Variants in CRIM1 observed in about 807,000 individuals in gnomAD.
The protein encoded by CRIM1 is cysteine-rich motor neuron 1 protein.
A neutral mutation model predicts 116.4 loss-of-function variants in CRIM1; 32 were observed. The observed-to-expected ratio is 0.27, with a 90% CI of 0.21 to 0.37. The LOEUF is 0.37. CRIM1 is among the 10% of genes least tolerant of loss of function. CRIM1 has a pLI of 1.00. For missense variants in CRIM1, 1,331 were observed against 1,354.8 expected, an observed-to-expected ratio of 0.98 and a Z score of 0.28; for synonymous variants, 590 against 509.2, an observed-to-expected ratio of 1.16 and a Z score of -2.13.
At chr2:36,360,387 A>G (rs565871729) in intron 1 of CRIM1, among the ~76,000 whole-genome samples, 112 of 152,324 alleles carry the variant, frequency 7.4e-4, no homozygotes, top group Non-Finnish European at 1.5e-3. Flanking sequence ...CTATTTACTC[A>G]GTAGCTTCAT....
rs1033452294 is a variant in CRIM1, at chr2:36,499,401, A to G, written c.1501+54A>G. Reference sequence around the variant, plus strand: ...TCTGAGGCCTAATATGATATTGTCAAAGCATATTATGTAATTGAATATCTT... The same window carrying G: ...TCTGAGGCCTAATATGATATTGTCAGAGCATATTATGTAATTGAATATCTT... On this transcript the variant is annotated intron_variant, in intron 8 of 16. Coordinates refer to ENST00000280527, the MANE Select transcript of CRIM1 (RefSeq NM_016441.3). 35 of 1,535,298 alleles carry G rather than the reference A, an allele frequency of 2.3e-5. No individual in the cohort carries two copies. The East Asian group carries it at 5.4e-4, about 24-fold the overall frequency.
At chr2:36,395,856 T>A (rs1474166750) in intron 1 of CRIM1, among the ~76,000 whole-genome samples, 1 of 152,204 alleles carries the variant, frequency 6.6e-6, no homozygotes, top group Non-Finnish European at 1.5e-5. Flanking sequence ...TTTTTGATGT[T>A]GATTATTAGC....
In CRIM1 at chr2:36,537,557, C is replaced by T. The variant is rs979218878; in HGVS notation, c.2623+11C>T. The T allele has an allele frequency of 1.3e-6, 2 of 1,585,968 alleles. No individual in the cohort carries two copies. Among genetic ancestry groups the T allele is most frequent in the Non-Finnish European group, 1.7e-6 (2 of 1,166,032 alleles). On this transcript the variant is annotated intron_variant, in intron 14 of 16. Coordinates refer to ENST00000280527, the MANE Select transcript of CRIM1 (RefSeq NM_016441.3). ...GCCCAATGTGTCCAGGTATCTAAGCCACCATCCTTCCATTTGTCAAGCTGT... is the reference window on the plus strand; with the variant it reads ...GCCCAATGTGTCCAGGTATCTAAGCTACCATCCTTCCATTTGTCAAGCTGT...
intron 1 of CRIM1, among the ~76,000 whole-genome samples, chr2:36,370,979 A>G (rs781645984): frequency 6.6e-6 from 1 of 152,182 alleles, no homozygotes; most frequent in African/African-American, 2.4e-5. Flanking sequence ...AGGTTTTCCA[A>G]CTTTATTTCC....
At chr2:36,488,771 A>G (rs902190292) in intron 7 of CRIM1, among the ~76,000 whole-genome samples, 2 of 152,220 alleles carry the variant, frequency 1.3e-5, no homozygotes, top group African/African-American at 4.8e-5. Context: ...ATTTAATGCT[A>G]GCTGCCAGTA....
At chr2:36,511,548 A>C (rs967610965) in intron 9 of CRIM1, among the ~76,000 whole-genome samples, 1 of 152,226 alleles carries the variant, frequency 6.6e-6, no homozygotes, top group African/African-American at 2.4e-5. Context: ...CTACAGTATC[A>C]TGACAGTTCA....
chr2:36,481,781 C>G (rs957386668), intron 7 of CRIM1, among the ~76,000 whole-genome samples: 2 of 152,142 alleles, frequency 1.3e-5, no homozygotes, highest in African/African-American at 4.8e-5. Flanking sequence ...TTGTCAGATT[C>G]GGCTCCATTT....
intron 4 of CRIM1, among the ~76,000 whole-genome samples, chr2:36,454,232 C>T (rs1676965839): frequency 6.6e-6 from 1 of 152,156 alleles, no homozygotes; most frequent in Non-Finnish European, 1.5e-5. Flanking sequence ...TTAGTTTAAA[C>T]TTAACACACT....
At chr2:36,436,980 G>T (rs1572726380) in intron 2 of CRIM1, among the ~76,000 whole-genome samples, 1 of 152,196 alleles carries the variant, frequency 6.6e-6, no homozygotes. Flanking sequence ...ATATTTGATT[G>T]AAATATTCAA....
At chr2:36,373,805 G>A (rs1195194103) in intron 1 of CRIM1, among the ~76,000 whole-genome samples, 2 of 152,180 alleles carry the variant, frequency 1.3e-5, no homozygotes, top group African/African-American at 2.4e-5. Context: ...ATACACCCAT[G>A]CAAAAATTGC....
At chr2:36,416,313 A>G (rs1442201140) in intron 2 of CRIM1, among the ~76,000 whole-genome samples, 1 of 152,146 alleles carries the variant, frequency 6.6e-6, no homozygotes, top group Admixed American at 6.6e-5. Flanking sequence ...CCATTGAGGA[A>G]CCTAAATTAT....
rs772961622 is a variant in CRIM1, at chr2:36,517,333, T to C, written c.1997T>C (p.Phe666Ser). 16 of 1,613,730 alleles carry C rather than the reference T, an allele frequency of 9.9e-6. No individual in the cohort carries two copies. The highest frequency in any genetic ancestry group is 4.0e-5 in the African/African-American group (3 of 74,936). Reference sequence around the variant, plus strand: ...ATTTTGTGTCATTTCCCAGATGACTTTGTGGTGCAGAAGCCAGAGCTCAGT... The same window carrying C: ...ATTTTGTGTCATTTCCCAGATGACTCTGTGGTGCAGAAGCCAGAGCTCAGT... ...GQCCPSCADD[F>S]VVQKPELSTP... is the part of the protein sequence containing the mutation. Residue 666 changes from phenylalanine to serine, a missense_variant, in exon 12 of 17, where the codon TTT becomes TCT. Around this residue, in one of 3 missense-constraint regions of CRIM1, gnomAD observed 358 missense variants for 436.1 expected, o/e 0.82. Transcript: ENST00000280527.
intron 1 of CRIM1, among the ~76,000 whole-genome samples, chr2:36,366,308 T>C (rs1342839429): frequency 6.6e-6 from 1 of 152,160 alleles, no homozygotes; most frequent in Non-Finnish European, 1.5e-5. Context: ...CTATCAAGAG[T>C]GCTGGTATTC....
At chr2:36,521,691 C>T (rs1350045137) in intron 12 of CRIM1, among the ~76,000 whole-genome samples, 2 of 152,170 alleles carry the variant, frequency 1.3e-5, no homozygotes, top group East Asian at 1.9e-4. Context: ...GAAATCCCTT[C>T]GTTAGCCATT....
At position 36,356,054 on chromosome 2, in the gene CRIM1, G is replaced by A. The variant is rs1668770977; in HGVS notation, c.-239G>A. On this transcript the variant is annotated 5_prime_UTR_variant, in exon 1 of 17. Transcript: ENST00000280527. The surrounding 1 kb of genome is among the most constrained non-coding windows in gnomAD (Gnocchi z 4.3). ...CCCCTCCCTCCCGGGAGGAGGAGGA[G>A]GAGGAGGAGGGGAAGCTGCCGCCGG... 1 of 153,952 alleles carries A rather than the reference G, an allele frequency of 6.5e-6. No individual in the cohort carries two copies. The highest frequency in any genetic ancestry group is 2.1e-4 in the South Asian group (1 of 4,872). The allele number at this position is 153,952 out of a possible 1,614,324, so 9.5% of individuals were successfully genotyped here. A position where few individuals can be genotyped will look rare whatever the true frequency, so the allele number is the denominator to read the frequency against.
At chr2:36,484,680 G>C (rs1679685295) in intron 7 of CRIM1, among the ~76,000 whole-genome samples, 1 of 152,140 alleles carries the variant, frequency 6.6e-6, no homozygotes, top group African/African-American at 2.4e-5. Context: ...ACTGTGATCT[G>C]AGTGTTCTTC....
intron 2 of CRIM1, among the ~76,000 whole-genome samples, chr2:36,403,818 A>G (rs1257207131): frequency 6.6e-6 from 1 of 151,856 alleles, no homozygotes; most frequent in African/African-American, 2.4e-5. Flanking sequence ...TGAGGTAGGT[A>G]CTCTGTTTGG....
intron 1 of CRIM1, among the ~76,000 whole-genome samples, chr2:36,390,892 C>T (rs1671525237): frequency 6.6e-6 from 1 of 151,916 alleles, no homozygotes; most frequent in African/African-American, 2.4e-5. Context: ...TCACTGCAAC[C>T]TCCACCTCCC....
intron 1 of CRIM1, among the ~76,000 whole-genome samples, chr2:36,391,311 G>A (rs1457677342): frequency 6.6e-6 from 1 of 151,342 alleles, no homozygotes; most frequent in African/African-American, 2.4e-5. Flanking sequence ...TGTATTTTTA[G>A]TGGAGATGGG....
Sources: allele counts gnomAD v4.1 joint callset (sites outside exome capture counted in the v4.1 genomes callset), GRCh38; gene constraint gnomAD v4.1.1; regional missense constraint gnomAD v4.1.1; non-coding constraint Gnocchi (gnomAD v3.1); transcripts MANE v1.5; gene names NCBI Gene and HGNC (gene_info 2026-07-23, HGNC 2026-07-21).